MLLT6: variants seen among roughly 807,000 people sequenced by gnomAD.
MLLT6 encodes protein AF-17.
In MLLT6, 22 loss-of-function variants were observed where a neutral mutation model predicts 103.0. That is an observed-to-expected ratio of 0.21 (90% CI 0.15 to 0.31). MLLT6 has a LOEUF of 0.31. MLLT6 is among the 10% of genes least tolerant of loss of function. MLLT6 has a pLI of 1.00. For missense variants in MLLT6, 1,199 were observed against 1,441.7 expected (o/e 0.83, Z 2.73); for synonymous variants, 606 against 623.5 (o/e 0.97, Z 0.42).
intron 17 of MLLT6, among the ~76,000 whole-genome samples, 175 bp downstream of exon 17, chr17:38,722,402 T>A (rs1229900569): frequency 6.6e-6 from 1 of 152,128 alleles, no homozygotes; most frequent in Non-Finnish European, 1.5e-5. Flanking sequence ...CTGTTAGACA[T>A]GTGTGTCCTC....
At position 38,715,622 on chromosome 17, in the gene MLLT6, C is replaced by G; in HGVS notation, c.830C>G (p.Ser277Trp). 2 of 1,612,438 alleles carry G rather than the reference C, an allele frequency of 1.2e-6. No homozygotes were observed. The change falls in exon 9 of 20, where the codon TCG becomes TGG. Residue 277 changes from serine to tryptophan, a missense_variant. Around this residue, in one of 7 missense-constraint regions of MLLT6, gnomAD observed 1,034 missense variants for 1,091.5 expected, o/e 0.95. Transcript: ENST00000621332. ...VVPTADKVSS[S>W]ASSSSHHEAS... ...TCTCCTCTCCTTCAGGTCTCCTCCT[C>G]GGCTTCCTCTTCCTCCCACCACGAG...
chr17:38,722,362 T>C lies in MLLT6; in HGVS notation c.2792+135T>C, dbSNP rs1390661716. 6 of 698,408 alleles carry C rather than the reference T, an allele frequency of 8.6e-6. No homozygotes were observed. The East Asian group carries it at 1.8e-4, about 20-fold the overall frequency. 43.3% of individuals were successfully genotyped at this position (698,408 alleles called of 1,614,324 possible). A position where few individuals can be genotyped will look rare whatever the true frequency, so the allele number is the denominator to read the frequency against. ...GGTCTCACAGGGTATATAATCCTAG[T>C]CACCTCTTGGCCTCTAAGGACTCCA... On this transcript the variant is annotated intron_variant, in intron 17 of 19. Coordinates refer to ENST00000621332, the MANE Select transcript of MLLT6 (RefSeq NM_005937.4).
intron 18 of MLLT6, among the ~76,000 whole-genome samples, chr17:38,723,824 C>T (rs1432506525): frequency 5.3e-5 from 8 of 150,516 alleles, no homozygotes; most frequent in Admixed American, 3.3e-4. Flanking sequence ...CTCACTGCAA[C>T]CTCCGCCTCC....
In MLLT6 at chr17:38,721,896, C is replaced by T. The variant is rs1384317276; in HGVS notation, c.2461C>T (p.Pro821Ser). The change falls in exon 17 of 20, where the codon CCG becomes TCG. Residue 821 changes from proline to serine, a missense_variant. Pro to Ser is a moderately conservative substitution (Grantham distance 74). Coordinates refer to ENST00000621332, the MANE Select transcript of MLLT6 (RefSeq NM_005937.4). The stretch of plus-strand genomic sequence containing the variant: ...TCCCCAGGACCCACACTCAGGCTGC[C>T]CGAGCCGCAGCAGCTCGTCGCTGTC... ...TSSEDPHSGC[P>S]SRSSSSLSFH... The T allele has an allele frequency of 1.3e-6, 2 of 1,579,410 alleles. No individual in the cohort carries two copies.
In MLLT6 at chr17:38,705,422, G is replaced by T. The variant is rs1053692536; in HGVS notation, c.-211G>T. 3.4e-4 allele frequency: 127 copies of T among 368,510 alleles called. No individual in the cohort carries two copies. Among genetic ancestry groups the T allele is most frequent in the Non-Finnish European group, 5.9e-4 (119 of 200,222 alleles). The allele number at this position is 368,510 out of a possible 1,614,324, so 22.8% of individuals were successfully genotyped here. On this transcript the variant is annotated 5_prime_UTR_variant, in exon 1 of 20. Coordinates refer to ENST00000621332, the MANE Select transcript of MLLT6 (RefSeq NM_005937.4). Reference sequence around the variant, plus strand: ...CGGGGCATGAGGGCGAGAGCACGGCGGGGGGGGCGGCCAGACAGAGCGAGC... The same window carrying T: ...CGGGGCATGAGGGCGAGAGCACGGCTGGGGGGGCGGCCAGACAGAGCGAGC...
Position 38,707,374 on chromosome 17 carries a change from C to A in MLLT6, c.190-112C>A, listed in dbSNP as rs1226523211. The A allele has an allele frequency of 4.2e-6, 4 of 945,934 alleles. No homozygotes were observed. In the East Asian group the frequency reaches 7.2e-5, roughly 17 times the overall value. The allele number at this position is 945,934 out of a possible 1,614,324, so 58.6% of individuals were successfully genotyped here. ...ATGGCCAATCCTGTTTCCACTGTAGCCCCATCCATCCACCCTAGAGCTTAG... is the reference window on the plus strand; with the variant it reads ...ATGGCCAATCCTGTTTCCACTGTAGACCCATCCATCCACCCTAGAGCTTAG... On this transcript the variant is annotated intron_variant, in intron 2 of 19. Transcript: ENST00000621332.
chr17:38,712,272 T>C (rs1284254897), intron 7 of MLLT6, among the ~76,000 whole-genome samples: 1 of 152,148 alleles, frequency 6.6e-6, no homozygotes, highest in Non-Finnish European at 1.5e-5. Context: ...CCCAGACACA[T>C]GGCTCTGCAC....
chr17:38,718,247 C>T (rs1477590997), intron 12 of MLLT6: 3 of 271,404 alleles, frequency 1.1e-5, no homozygotes, highest in Non-Finnish European at 2.1e-5. Context: ...TGGTGGTGGG[C>T]GCCTGTAATC....
Position 38,706,932 on chromosome 17 carries a change from TGTCCTCCC to T in MLLT6, c.110-17_110-10del. ...CTGGCTGACAGCTTTGCTCAGCGACTGTCCTCCCCACCCTCAGCTTGCTATGGCATCGT... is the reference window on the plus strand; with the variant it reads ...CTGGCTGACAGCTTTGCTCAGCGACTCACCCTCAGCTTGCTATGGCATCGT... On this transcript the variant is annotated splice_polypyrimidine_tract_variant and intron_variant, in intron 1 of 19. Coordinates refer to ENST00000621332, the MANE Select transcript of MLLT6 (RefSeq NM_005937.4). The T allele has an allele frequency of 6.3e-7, 1 of 1,596,482 alleles. No individual in the cohort carries two copies. The highest frequency in any genetic ancestry group is 1.3e-5 in the African/African-American group (1 of 74,586).
At position 38,716,371 on chromosome 17, in the gene MLLT6, G is replaced by C; in HGVS notation, c.1041G>C (p.Ser347=). The change falls in exon 10 of 20, where the codon TCG becomes TCC. Residue 347 remains serine (S), a synonymous_variant. Transcript: ENST00000621332. The surrounding 1 kb of genome is among the most constrained non-coding windows in gnomAD (Gnocchi z 5.6). Reference sequence around the variant, plus strand: ...CTGTTTCCCCTCTGTGCACAGTCTCGTCCCTGCAGAGCTCCCCTGACTTCT... The same window carrying C: ...CTGTTTCCCCTCTGTGCACAGTCTCCTCCCTGCAGAGCTCCCCTGACTTCT... ...SSGGPFQPAV[S]SLQSSPDFSA... is the part of the protein sequence containing the mutation. The C allele has an allele frequency of 1.2e-6, 2 of 1,611,044 alleles. No individual in the cohort carries two copies. Among genetic ancestry groups the C allele is most frequent in the South Asian group, 2.2e-5 (2 of 90,866 alleles).
At position 38,724,378 on chromosome 17, in the gene MLLT6, T is replaced by A. The variant is rs1905914122; in HGVS notation, c.2884-242T>A. 8.3e-6 allele frequency: 4 copies of A among 484,700 alleles called. No homozygotes were observed. The highest frequency in any genetic ancestry group is 1.5e-5 in the Non-Finnish European group (4 of 275,562). The allele number at this position is 484,700 out of a possible 1,614,324, so 30.0% of individuals were successfully genotyped here. A position where few individuals can be genotyped will look rare whatever the true frequency, so the allele number is the denominator to read the frequency against. On this transcript the variant is annotated intron_variant, in intron 18 of 19. Coordinates refer to ENST00000621332, the MANE Select transcript of MLLT6 (RefSeq NM_005937.4). The surrounding 1 kb of genome is among the most constrained non-coding windows in gnomAD (Gnocchi z 5.4). ...TGTGGGCAGGGCCAGAGATATTAAA[T>A]ACCCTGCTGTTGGCCGGCAGTGCTG...
At chr17:38,722,646 T>G in intron 17 of MLLT6, 32 bp from the exon 18 acceptor site, 5 of 563,246 alleles carry the variant, frequency 8.9e-6, no homozygotes, top group East Asian at 3.8e-5. Context: ...GTCTGTGTGT[T>G]GTCCCCCCCC....
intron 7 of MLLT6, 157 bp downstream of exon 7, chr17:38,712,171 G>C: frequency 1.1e-6 from 1 of 951,348 alleles, no homozygotes; most frequent in Non-Finnish European, 1.3e-6. Flanking sequence ...GAAATGAAAC[G>C]GTGGGGGGGT....
At chr17:38,723,211 T>C (rs1335868871) in intron 18 of MLLT6, among the ~76,000 whole-genome samples, 1 of 152,098 alleles carries the variant, frequency 6.6e-6, no homozygotes, top group African/African-American at 2.4e-5. Flanking sequence ...TTTTTAAAAA[T>C]GAGGGAAGCA....
At chr17:38,707,448 GCAGATCCCC>G (rs1176246432) in intron 2 of MLLT6, 29 bp from the exon 3 acceptor site, 1 of 1,610,830 alleles carries the variant, frequency 6.2e-7, no homozygotes, top group African/African-American at 1.3e-5. Flanking sequence ...GTCCAGCTCA[GCAGATCCCC>G]CAACCCCTGT....
chr17:38,717,835 C>A lies in MLLT6; in HGVS notation c.1834-10C>A, dbSNP rs777475836. ...AATAACCGCCAGGGGATTCTACCTC[C>A]CTCCCTTAGGTGTTTTCTCTGGCTG... On this transcript the variant is annotated splice_polypyrimidine_tract_variant and intron_variant, in intron 11 of 19. Transcript: ENST00000621332. The A allele has an allele frequency of 1.9e-6, 3 of 1,600,766 alleles. No individual in the cohort carries two copies. The highest frequency in any genetic ancestry group is 1.7e-5 in the Admixed American group (1 of 59,930).
Position 38,728,702 on chromosome 17 carries a change from T to G in MLLT6, c.*3104T>G, listed in dbSNP as rs1372268702. ...CAGGGCCAGGACAAGCCCTCAGGAC[T>G]GTGGCCTCCTGGCCCTTGGTTCCCC... On this transcript the variant is annotated 3_prime_UTR_variant, in exon 20 of 20. Coordinates refer to ENST00000621332, the MANE Select transcript of MLLT6 (RefSeq NM_005937.4). 1.3e-5 allele frequency: 3 copies of G among 233,976 alleles called. No individual in the cohort carries two copies. The East Asian group carries it at 1.8e-4, about 14-fold the overall frequency. 14.5% of individuals were successfully genotyped at this position (233,976 alleles called of 1,614,324 possible).
Position 38,711,965 on chromosome 17 carries a change from C to T in MLLT6, c.671C>T (p.Ser224Phe), listed in dbSNP as rs1205160957. Residue 224 changes from serine to phenylalanine, a missense_variant, in exon 7 of 20, where the codon TCC becomes TTC. Transcript: ENST00000621332. ...SGRRSRSASPSTQQEKHPTHH... is the reference protein window; with the variant it reads ...SGRRSRSASPFTQQEKHPTHH... The stretch of plus-strand genomic sequence containing the variant: ...AGGAGAAGCCGGTCAGCCTCACCAT[C>T]CACGCAGCAGGAGAAGCACCCCACC... The T allele has an allele frequency of 1.9e-6, 3 of 1,608,846 alleles. No individual in the cohort carries two copies. Among genetic ancestry groups the T allele is most frequent in the South Asian group, 1.1e-5 (1 of 90,548 alleles).
chr17:38,726,370 CATGT>C lies in MLLT6; in HGVS notation c.*773_*776del, dbSNP rs1038858572. ...CAGTGTGTGAGTGTGTGTGTGCGTG[CATGT>C]GTGTGTGTGTGTGTGTGTGTGTGTG... is the stretch of plus-strand genomic sequence containing the variant. On this transcript the variant is annotated 3_prime_UTR_variant, in exon 20 of 20. Transcript: ENST00000621332. 4.1e-5 allele frequency: 9 copies of C among 220,108 alleles called. No homozygotes were observed. The highest frequency in any genetic ancestry group is 7.6e-5 in the African/African-American group (3 of 39,674). 13.6% of individuals were successfully genotyped at this position (220,108 alleles called of 1,614,324 possible). A position where few individuals can be genotyped will look rare whatever the true frequency, so the allele number is the denominator to read the frequency against.
Sources: gnomAD v4.1 joint callset for allele counts (sites outside exome capture counted in the v4.1 genomes callset) on GRCh38, gnomAD v4.1.1 for gene constraint, gnomAD v4.1.1 regional missense constraint, Gnocchi (gnomAD v3.1) non-coding constraint, MANE v1.5 for transcripts, NCBI Gene and HGNC (gene_info 2026-07-23, HGNC 2026-07-21) for gene names.